SHROOM3: variants seen among roughly 807,000 people sequenced by gnomAD.
SHROOM3 encodes protein Shroom3.
Under a neutral mutation model 138.6 loss-of-function variants are expected in SHROOM3, and 47 were observed. The ratio of observed to expected loss-of-function variants is 0.34; its 90% CI spans 0.27 to 0.43. SHROOM3 has a LOEUF of 0.43. Ranked by LOEUF, SHROOM3 falls within the 20% of genes least tolerant of loss-of-function variation. SHROOM3 has a pLI of 1.00. For missense variants in SHROOM3, 2,491 were observed against 2,596.5 expected (o/e 0.96, Z 0.88); for synonymous variants, 1,062 against 1,063.3 (o/e 1.00, Z 0.02).
chr4:76,727,682 G>A (rs1328462074), intron 3 of SHROOM3, among the ~76,000 whole-genome samples: 2 of 152,158 alleles, frequency 1.3e-5, no homozygotes, highest in Non-Finnish European at 2.9e-5. Flanking sequence ...AAGGTCAGGA[G>A]TTCAAGACCA....
chr4:76,550,845 A>G (rs1293297829), intron 1 of SHROOM3, among the ~76,000 whole-genome samples: 4 of 151,652 alleles, frequency 2.6e-5, no homozygotes, highest in Non-Finnish European at 5.9e-5. Context: ...AAAAAATAAA[A>G]AAATTTCCCC....
intron 1 of SHROOM3, among the ~76,000 whole-genome samples, chr4:76,540,905 G>A (rs911897509): frequency 1.3e-5 from 2 of 152,180 alleles, no homozygotes; most frequent in African/African-American, 2.4e-5. Flanking sequence ...TAGGGCATGT[G>A]TGTGCCTATA....
intron 2 of SHROOM3, among the ~76,000 whole-genome samples, chr4:76,666,269 T>C (rs1718691006): frequency 6.6e-6 from 1 of 152,200 alleles, no homozygotes; most frequent in East Asian, 1.9e-4. Flanking sequence ...AGTTTTAATC[T>C]TGGACTTGTT....
At chr4:76,528,927 C>T (rs139498685) in intron 1 of SHROOM3, among the ~76,000 whole-genome samples, 3 of 152,274 alleles carry the variant, frequency 2.0e-5, no homozygotes, top group East Asian at 3.9e-4. Flanking sequence ...ATGATCTTGA[C>T]ATTAATGGGT....
At chr4:76,524,362 T>A (rs1732635543) in intron 1 of SHROOM3, among the ~76,000 whole-genome samples, 1 of 152,022 alleles carries the variant, frequency 6.6e-6, no homozygotes, top group Non-Finnish European at 1.5e-5. Flanking sequence ...TCTCAGGACC[T>A]CATGAAGAAC....
intron 2 of SHROOM3, among the ~76,000 whole-genome samples, chr4:76,557,686 T>C (rs181742741): frequency 1.8e-3 from 279 of 152,326 alleles, no homozygotes; most frequent in Admixed American, 4.8e-3. Flanking sequence ...CATGACACAG[T>C]GTGTACATAT....
At chr4:76,742,772 C>T (rs1356312775) in intron 5 of SHROOM3, among the ~76,000 whole-genome samples, 2 of 152,182 alleles carry the variant, frequency 1.3e-5, no homozygotes, top group Admixed American at 6.5e-5. Flanking sequence ...CCTCATGCTT[C>T]CCTTCCCACC....
At chr4:76,566,108 CAAA>C (rs1170771360) in intron 2 of SHROOM3, among the ~76,000 whole-genome samples, 7 of 59,324 alleles carry the variant, frequency 1.2e-4, no homozygotes, top group East Asian at 5.1e-4. Flanking sequence ...AACCCTGTCT[CAAA>C]AAAAAAAAAA....
At chr4:76,482,789 T>C (rs6823558) in intron 1 of SHROOM3, among the ~76,000 whole-genome samples, 442 of 152,264 alleles carry the variant, frequency 2.9e-3, no homozygotes, top group African/African-American at 0.01. Context: ...ATGGTACTGG[T>C]ACCAAAACAG....
In SHROOM3 at chr4:76,781,880, G is replaced by A. The variant is rs960873959; in HGVS notation, c.*2703G>A. ...TGTTGGTCAGGGTTTCAGAATACGCGTGATGTCACTGAGAATGTTTGCTCA... is the reference window on the plus strand; with the variant it reads ...TGTTGGTCAGGGTTTCAGAATACGCATGATGTCACTGAGAATGTTTGCTCA... On this transcript the variant is annotated 3_prime_UTR_variant, in exon 11 of 11. Coordinates refer to ENST00000296043, the MANE Select transcript of SHROOM3 (RefSeq NM_020859.4). 3.3e-5 allele frequency: 5 copies of A among 152,206 alleles called. No homozygotes were observed. Among genetic ancestry groups the A allele is most frequent in the African/African-American group, 4.8e-5 (2 of 41,446 alleles). The allele number at this position is 152,206 out of a possible 1,614,324, so 9.4% of individuals were successfully genotyped here.
intron 2 of SHROOM3, among the ~76,000 whole-genome samples, chr4:76,640,586 TA>T (rs1413280459): frequency 1.3e-5 from 2 of 152,208 alleles, no homozygotes; most frequent in East Asian, 3.9e-4. Context: ...TGAGGGACCA[TA>T]AAATCAGAAT....
At chr4:76,645,373 C>A (rs1433291902) in intron 2 of SHROOM3, 1 of 152,282 alleles carries the variant, frequency 6.6e-6, no homozygotes, top group East Asian at 1.9e-4. Context: ...AGGACTCGAA[C>A]CTCATTTAGT....
chr4:76,672,861 C>T (rs899651192), intron 2 of SHROOM3, among the ~76,000 whole-genome samples: 1 of 152,312 alleles, frequency 6.6e-6, no homozygotes, highest in African/African-American at 2.4e-5. Context: ...TATGGTGGCT[C>T]ATGCCCGGCC....
intron 1 of SHROOM3, among the ~76,000 whole-genome samples, chr4:76,539,742 C>A (rs1324528970): frequency 6.6e-6 from 1 of 152,158 alleles, no homozygotes; most frequent in Non-Finnish European, 1.5e-5. Context: ...TGAACCCAGG[C>A]AGTCTGGTTA....
rs139993657 is a variant in SHROOM3 at position 76,756,914 on chromosome 4, C to G, written c.5175C>G (p.Ser1725Arg). The G allele has an allele frequency of 6.8e-6, 11 of 1,613,960 alleles. No individual in the cohort carries two copies. The highest frequency in any genetic ancestry group is 9.3e-6 in the Non-Finnish European group (11 of 1,180,044). Reference sequence around the variant, plus strand: ...GGAAGGCCATACAGAGAACTGTCAGCTCTTCAGGATGTGAAGGCAAGAGGT... The same window carrying G: ...GGAAGGCCATACAGAGAACTGTCAGGTCTTCAGGATGTGAAGGCAAGAGGT... ...VKRKAIQRTVSSSGCEGKRNE... is the reference protein window; with the variant it reads ...VKRKAIQRTVRSSGCEGKRNE... The change falls in exon 8 of 11, where the codon AGC (serine) becomes AGG (arginine). Residue 1725 changes from serine (S) to arginine (R), a missense_variant. Transcript: ENST00000296043.
intron 5 of SHROOM3, among the ~76,000 whole-genome samples, chr4:76,747,738 G>A (rs1404919438): frequency 1.3e-5 from 2 of 152,076 alleles, no homozygotes; most frequent in African/African-American, 4.8e-5. Flanking sequence ...ATGGAGAGCA[G>A]GAATTCTCAT....
rs1003587881 is a variant in SHROOM3 at position 76,780,679 on chromosome 4, T to C, written c.*1502T>C. On this transcript the variant is annotated 3_prime_UTR_variant, in exon 11 of 11. Transcript: ENST00000296043. Reference sequence around the variant, plus strand: ...GTAGAGATGTCTTTTGATTAACTTATAAACAACTGGCCACCCAGAAGTTTC... The same window carrying C: ...GTAGAGATGTCTTTTGATTAACTTACAAACAACTGGCCACCCAGAAGTTTC... The C allele has an allele frequency of 6.6e-6, 1 of 152,210 alleles. No individual in the cohort carries two copies. Among genetic ancestry groups the C allele is most frequent in the Non-Finnish European group, 1.5e-5 (1 of 68,034 alleles). The allele number at this position is 152,210 out of a possible 1,614,324, so 9.4% of individuals were successfully genotyped here.
At chr4:76,492,077 T>C (rs1731865419) in intron 1 of SHROOM3, among the ~76,000 whole-genome samples, 1 of 152,220 alleles carries the variant, frequency 6.6e-6, no homozygotes, top group Non-Finnish European at 1.5e-5. Flanking sequence ...TGAGAGCCTC[T>C]GTTAGGTTTC....
At chr4:76,665,841 G>A (rs1718678171) in intron 2 of SHROOM3, among the ~76,000 whole-genome samples, 1 of 152,118 alleles carries the variant, frequency 6.6e-6, no homozygotes, top group African/African-American at 2.4e-5. Flanking sequence ...CCTGTTTACT[G>A]GTATATGTCT....
Sources: gnomAD v4.1 joint callset for allele counts (sites outside exome capture counted in the v4.1 genomes callset) on GRCh38, gnomAD v4.1.1 for gene constraint, MANE v1.5 for transcripts, NCBI Gene and HGNC (gene_info 2026-07-23, HGNC 2026-07-21) for gene names.